Variants in C16orf89 observed in about 807,000 individuals in gnomAD.
The protein encoded by C16orf89 is chromosome 16 open reading frame 89.
In C16orf89, 57 loss-of-function variants were observed where a neutral mutation model predicts 41.5. The ratio of observed to expected loss-of-function variants is 1.38; its 90% confidence interval spans 1.11 to 1.71. C16orf89 has a LOEUF of 1.71. Among genes scored for constraint, C16orf89 ranks in the 40% most tolerant of loss-of-function variants. The pLI, the probability that C16orf89 is intolerant of heterozygous loss-of-function variation, is 0.00. For missense variants in C16orf89, 575 were observed against 445.9 expected (o/e 1.29, Z -2.61); for synonymous variants, 223 against 190.6 (o/e 1.17, Z -1.40).
chr16:5,061,640 G>A (rs933474353), intron 2 of C16orf89, among the ~76,000 whole-genome samples: 4 of 152,070 alleles, frequency 2.6e-5, no homozygotes, highest in African/African-American at 9.7e-5. Flanking sequence ...GATGACATAG[G>A]TGGGGACAGT....
At chr16:5,048,682 G>A (rs1346191907) in intron 6 of C16orf89, among the ~76,000 whole-genome samples, 1 of 151,744 alleles carries the variant, frequency 6.6e-6, no homozygotes, top group African/African-American at 2.4e-5. Context: ...ATGAAAACAT[G>A]AAAAAGTATA....
At chr16:5,054,022 A>G (rs1384545769) in intron 6 of C16orf89, among the ~76,000 whole-genome samples, 2 of 152,210 alleles carry the variant, frequency 1.3e-5, no homozygotes, top group African/African-American at 4.8e-5. Flanking sequence ...CCAAAAATGC[A>G]AGTTCCACAG....
rs551253208 is a variant in C16orf89 at position 5,050,679 on chromosome 16, A to C, written c.869-2715T>G. 3.9e-5 allele frequency among the ~76,000 whole-genome samples: 6 copies of C among 152,316 alleles called. No homozygotes were observed. In the South Asian group the frequency reaches 1.0e-3, roughly 26 times the overall value. ...CAATACTAAAACCAGCCAAGGACAA[A>C]GCAACAACAAAAAAACTATAGGCCG... On this transcript the variant is annotated intron_variant, in intron 6 of 7. Transcript: ENST00000472572.
chr16:5,045,434 TG>T (rs1956277847), intron 7 of C16orf89, among the ~76,000 whole-genome samples: 1 of 152,136 alleles, frequency 6.6e-6, no homozygotes, highest in African/African-American at 2.4e-5. Flanking sequence ...GAGCTCAAAG[TG>T]GGCTGCACGC....
At chr16:5,051,932 T>C (rs1280520787) in intron 6 of C16orf89, among the ~76,000 whole-genome samples, 1 of 151,534 alleles carries the variant, frequency 6.6e-6, no homozygotes, top group Non-Finnish European at 1.5e-5. Flanking sequence ...AAACCCTGTC[T>C]CTACTGAAAA....
intron 6 of C16orf89, among the ~76,000 whole-genome samples, chr16:5,053,291 AC>A (rs2142629367): frequency 6.6e-6 from 1 of 152,078 alleles, no homozygotes; most frequent in South Asian, 2.1e-4. Flanking sequence ...AATCGCTTGT[AC>A]CTGGGAGGCG....
chr16:5,057,278 GTATATATATA>G (rs541997733), intron 4 of C16orf89, among the ~76,000 whole-genome samples: 12 of 129,890 alleles, frequency 9.2e-5, no homozygotes, highest in African/African-American at 3.4e-4. Context: ...ATATATATAT[GTATATATATA>G]TGTGTATATA....
intron 1 of C16orf89, among the ~76,000 whole-genome samples, chr16:5,063,433 C>T (rs901585628): frequency 5.3e-5 from 8 of 152,144 alleles, no homozygotes; most frequent in African/African-American, 1.9e-4. Context: ...TCTACAAAGT[C>T]CAATAGGACA....
At chr16:5,063,291 CCG>C (rs1375156237) in intron 1 of C16orf89, among the ~76,000 whole-genome samples, 1 of 152,126 alleles carries the variant, frequency 6.6e-6, no homozygotes, top group Admixed American at 6.5e-5. Context: ...TCCAGGGCGA[CCG>C]GCTCTGGCAC....
chr16:5,050,614 G>A (rs1316422480), intron 6 of C16orf89, among the ~76,000 whole-genome samples: 3 of 152,044 alleles, frequency 2.0e-5, no homozygotes, highest in African/African-American at 4.8e-5. Context: ...TGAAGAGGAG[G>A]AAAATTTTCC....
chr16:5,056,272 C>A, intron 4 of C16orf89, 84 bp from the exon 5 acceptor site: 1 of 1,351,928 alleles, frequency 7.4e-7, no homozygotes, highest in Admixed American at 2.1e-5. Context: ...TCTTGCAGTT[C>A]TGAGACGGTC....
chr16:5,044,982 G>A (rs1956269298), intron 7 of C16orf89: 2 of 1,134,848 alleles, frequency 1.8e-6, no homozygotes, highest in African/African-American at 1.7e-5. Flanking sequence ...TTCTCTGGGA[G>A]GTATGTCCCT....
chr16:5,045,697 GA>G (rs1398999115), intron 7 of C16orf89, among the ~76,000 whole-genome samples: 1 of 152,194 alleles, frequency 6.6e-6, no homozygotes, highest in Non-Finnish European at 1.5e-5. Flanking sequence ...CCATTTTACA[GA>G]TGAGGAAAAT....
intron 5 of C16orf89, 136 bp from the exon 6 acceptor site, chr16:5,055,486 G>T: frequency 1.1e-6 from 1 of 949,440 alleles, no homozygotes; most frequent in South Asian, 1.7e-5. Context: ...ATGCAGAGGA[G>T]GGAAGGAGGC....
intron 7 of C16orf89, 105 bp from the exon 8 acceptor site, chr16:5,044,583 C>A: frequency 6.5e-7 from 1 of 1,539,920 alleles, no homozygotes; most frequent in Non-Finnish European, 8.7e-7. Flanking sequence ...TGGCTCACAC[C>A]TATAATCCCA....
chr16:5,054,778 C>G (rs1956458715), intron 6 of C16orf89, among the ~76,000 whole-genome samples: 1 of 152,130 alleles, frequency 6.6e-6, no homozygotes, highest in Non-Finnish European at 1.5e-5. Flanking sequence ...ATGAATAAGT[C>G]TCACAGATCT....
rs777242737 is a variant in C16orf89, at chr16:5,062,620, C to T, written c.209-46G>A. 4 of 1,507,968 alleles carry T rather than the reference C, an allele frequency of 2.7e-6. No homozygotes were observed. The Admixed American group carries it at 8.8e-5, about 33-fold the overall frequency. 93.4% of individuals were successfully genotyped at this position (1,507,968 alleles called of 1,614,324 possible). ...TTCATTCAACTATTTGGAATCGGGA[C>T]CTTTTTTTGCCTTGGAACAAGAAAA... is the stretch of plus-strand genomic sequence containing the variant. On this transcript the variant is annotated intron_variant, in intron 1 of 7. Coordinates refer to ENST00000472572, the MANE Select transcript of C16orf89 (RefSeq NM_001098514.3).
rs531301214 is a variant in C16orf89, at chr16:5,055,938, C to CGTGTGTGTGTGTGT, written c.763+101_763+114dup. ...TTTTACTTGCTTAATCTGGCAACTC[C>CGTGTGTGTGTGTGT]GTGTGTGTGTGTGTGTGTGTGTGTG... is the stretch of plus-strand genomic sequence containing the variant. On this transcript the variant is annotated intron_variant, in intron 5 of 7. Transcript: ENST00000472572. 221 of 908,368 alleles carry CGTGTGTGTGTGTGT rather than the reference C, an allele frequency of 2.4e-4. 2 individuals are homozygous for CGTGTGTGTGTGTGT. The highest frequency in any genetic ancestry group is 1.6e-3 in the East Asian group (47 of 29,960). The allele number at this position is 908,368 out of a possible 1,614,324, so 56.3% of individuals were successfully genotyped here.
intron 6 of C16orf89, among the ~76,000 whole-genome samples, chr16:5,050,993 A>G (rs1180351826): frequency 6.6e-6 from 1 of 152,216 alleles, no homozygotes; most frequent in African/African-American, 2.4e-5. Context: ...GCATGTGATG[A>G]AATTTAACAT....
Sources: gnomAD v4.1 joint callset for allele counts (sites outside exome capture counted in the v4.1 genomes callset) on GRCh38, gnomAD v4.1.1 for gene constraint, MANE v1.5 for transcripts, NCBI Gene and HGNC (gene_info 2026-07-23, HGNC 2026-07-21) for gene names.